Variants in RXRA observed in about 807,000 individuals in gnomAD.
RXRA encodes retinoic acid receptor RXR-alpha.
Under a neutral mutation model 44.5 loss-of-function variants are expected in RXRA, and 5 were observed. The ratio of observed to expected loss-of-function variants is 0.11; its 90% CI spans 0.06 to 0.24. The LOEUF (loss-of-function observed/expected upper bound fraction) is 0.24, where lower values mean the gene tolerates loss of function less well. RXRA is among the 10% of genes least tolerant of loss of function. RXRA has a pLI of 1.00. For synonymous variants in RXRA, 291 were observed against 271.4 expected (o/e 1.07, Z -0.71); for missense variants, 412 against 646.5 (o/e 0.64, Z 3.93).
intron 8 of RXRA, among the ~76,000 whole-genome samples, chr9:134,432,923 G>A (rs960544817): frequency 2.6e-5 from 4 of 152,162 alleles, no homozygotes; most frequent in African/African-American, 7.2e-5. Flanking sequence ...GGTTCCAGCC[G>A]GGAGGGAGCT....
At chr9:134,396,513 C>T (rs1048967576) in intron 1 of RXRA, among the ~76,000 whole-genome samples, 11 of 151,874 alleles carry the variant, frequency 7.2e-5, no homozygotes, top group South Asian at 4.2e-4. Flanking sequence ...CAGTTCCGGG[C>T]GGGGGGGTCC....
At chr9:134,402,899 C>G (rs1830987305) in intron 2 of RXRA, 1 of 152,108 alleles carries the variant, frequency 6.6e-6, no homozygotes, top group Non-Finnish European at 1.5e-5. Context: ...GGTGCCATCT[C>G]AGGACAGCCC....
intron 6 of RXRA, chr9:134,425,924 G>C: frequency 1.0e-6 from 1 of 985,416 alleles, no homozygotes; most frequent in Non-Finnish European, 1.2e-6. Flanking sequence ...TCAGAGGTGA[G>C]ACAGGAACGT....
chr9:134,400,579 G>A (rs1830943592), intron 1 of RXRA, among the ~76,000 whole-genome samples: 1 of 152,228 alleles, frequency 6.6e-6, no homozygotes, highest in South Asian at 2.1e-4. Flanking sequence ...CGTCTGTGCT[G>A]CCTTGGGTGG....
rs1831569677 is a variant in RXRA, at chr9:134,433,712, A to C, written c.1136-390A>C. 6.6e-6 allele frequency among the ~76,000 whole-genome samples: 1 copy of C among 152,048 alleles called. No homozygotes were observed. The highest frequency in any genetic ancestry group is 2.4e-5 in the African/African-American group (1 of 41,364). ...AGCAGCGCTATCTCCCATCCATGTT[A>C]TGGGGCTGGGACCCAAGGGCAGCAG... On this transcript the variant is annotated intron_variant, in intron 8 of 9. Coordinates refer to ENST00000481739, the MANE Select transcript of RXRA (RefSeq NM_002957.6). The surrounding 1 kb of genome is among the most constrained non-coding windows in gnomAD (Gnocchi z 4.2).
intron 1 of RXRA, among the ~76,000 whole-genome samples, chr9:134,327,497 G>A (rs1309433060): frequency 2.0e-5 from 3 of 152,282 alleles, no homozygotes; most frequent in Non-Finnish European, 2.9e-5. Context: ...AGTGAGAAGG[G>A]GGAGACTTTA....
intron 1 of RXRA, among the ~76,000 whole-genome samples, chr9:134,351,748 C>G (rs1417752292): frequency 6.6e-6 from 1 of 152,254 alleles, no homozygotes; most frequent in Non-Finnish European, 1.5e-5. Context: ...AACCAATCCG[C>G]TGCTGCGAAC....
chr9:134,408,877 G>C (rs954109982), intron 3 of RXRA, 63 bp from the exon 4 acceptor site: 1 of 1,407,196 alleles, frequency 7.1e-7, no homozygotes, highest in East Asian at 2.7e-5. Flanking sequence ...GGCGTTGGAT[G>C]GGGGGTGGGC....
chr9:134,401,955 C>T (rs34921694), intron 2 of RXRA, 73 bp downstream of exon 2: 17 of 1,270,992 alleles, frequency 1.3e-5, no homozygotes, highest in South Asian at 2.9e-5. Context: ...GCAGGACGAC[C>T]GCCTCATCTT....
intron 1 of RXRA, among the ~76,000 whole-genome samples, chr9:134,348,219 A>G (rs1425017220): frequency 2.6e-5 from 4 of 152,208 alleles, no homozygotes; most frequent in Admixed American, 1.3e-4. Context: ...AGCAGTGTGC[A>G]TTGAATGCCA....
At chr9:134,398,830 C>T (rs1830918437) in intron 1 of RXRA, among the ~76,000 whole-genome samples, 1 of 152,252 alleles carries the variant, frequency 6.6e-6, no homozygotes, top group Non-Finnish European at 1.5e-5. Flanking sequence ...TCAGATCAGG[C>T]CATTCCAAGG....
chr9:134,373,139 A>G (rs527901769), intron 1 of RXRA, among the ~76,000 whole-genome samples: 1 of 152,122 alleles, frequency 6.6e-6, no homozygotes, highest in Admixed American at 6.6e-5. Context: ...CACACAGCCA[A>G]GTGGCCACAG....
chr9:134,396,936 G>A (rs12115573), intron 1 of RXRA, among the ~76,000 whole-genome samples: 80,610 of 152,166 alleles, frequency 0.53, 23,287 homozygotes, highest in East Asian at 0.73. Flanking sequence ...GAGGTTCCCT[G>A]GCTGCCCAGG....
In RXRA at chr9:134,421,711, C is replaced by T. The variant is rs200313962; in HGVS notation, c.816C>T (p.Ala272=). The change falls in exon 6 of 10, where the codon GCC becomes GCT. Residue 272 remains alanine, a synonymous_variant. Coordinates refer to ENST00000481739, the MANE Select transcript of RXRA (RefSeq NM_002957.6). The part of the protein sequence containing the change: ...NDPVTNICQA[A]DKQLFTLVEW... ...CTGTCACCAACATTTGCCAAGCAGCCGACAAACAGCTTTTCACCCTGGTGG... is the reference window on the plus strand; with the variant it reads ...CTGTCACCAACATTTGCCAAGCAGCTGACAAACAGCTTTTCACCCTGGTGG... The T allele has an allele frequency of 6.3e-5, 100 of 1,577,654 alleles. No homozygotes were observed. The African/African-American group carries it at 7.8e-4, about 12-fold the overall frequency.
chr9:134,426,585 G>T lies in RXRA; in HGVS notation c.911-2523G>T, dbSNP rs1187561793. 4.1e-6 allele frequency: 4 copies of T among 985,294 alleles called. No individual in the cohort carries two copies. The East Asian group carries it at 4.5e-4, about 112-fold the overall frequency. 61.0% of individuals were successfully genotyped at this position (985,294 alleles called of 1,614,324 possible). On this transcript the variant is annotated intron_variant, in intron 6 of 9. Transcript: ENST00000481739. The surrounding 1 kb of genome is among the most constrained non-coding windows in gnomAD (Gnocchi z 4.6). ...ATCCCGTGCTGAGGGCCGCACCTCG[G>T]CTCAGCAGCGCCTTCTGACCCCAGC...
At chr9:134,334,832 C>T (rs1432430009) in intron 1 of RXRA, among the ~76,000 whole-genome samples, 2 of 152,186 alleles carry the variant, frequency 1.3e-5, no homozygotes, top group Non-Finnish European at 2.9e-5. Flanking sequence ...GGGTTGCTGG[C>T]GTCCAGGAAG....
At chr9:134,341,773 G>C (rs543759894) in intron 1 of RXRA, among the ~76,000 whole-genome samples, 94 of 152,372 alleles carry the variant, frequency 6.2e-4, no homozygotes, top group African/African-American at 2.1e-3. Flanking sequence ...GTCTTGGTGT[G>C]TGACTGTTTG....
At chr9:134,432,220 A>G (rs1204653072) in intron 8 of RXRA, among the ~76,000 whole-genome samples, 3 of 152,124 alleles carry the variant, frequency 2.0e-5, no homozygotes, top group Non-Finnish European at 4.4e-5. Flanking sequence ...AGGGGGACCC[A>G]GCAAGGCAGT....
At chr9:134,420,212 A>T (rs1157734270) in intron 5 of RXRA, among the ~76,000 whole-genome samples, 1 of 152,186 alleles carries the variant, frequency 6.6e-6, no homozygotes, top group Admixed American at 6.5e-5. Flanking sequence ...TCTCAGGGAT[A>T]CCCTGCAGCC....
Sources: allele counts gnomAD v4.1 joint callset (sites outside exome capture counted in the v4.1 genomes callset), GRCh38; gene constraint gnomAD v4.1.1; non-coding constraint Gnocchi (gnomAD v3.1); transcripts MANE v1.5; gene names NCBI Gene and HGNC (gene_info 2026-07-23, HGNC 2026-07-21).